GREB1: variants seen among roughly 807,000 people sequenced by gnomAD.
GREB1 encodes the protein growth regulating estrogen receptor binding 1, also known as protein GREB1.
In GREB1, 106 loss-of-function variants were observed where a neutral mutation model predicts 200.7. The ratio of observed to expected loss-of-function variants is 0.53; its 90% CI spans 0.45 to 0.62. GREB1 has a LOEUF of 0.62. Ranked by LOEUF, GREB1 falls within the 20% of genes least tolerant of loss-of-function variation. The probability of loss-of-function intolerance (pLI) is 0.00; values close to 1 mark genes in which losing one functional copy is unlikely to be tolerated. For synonymous variants in GREB1, 1,132 were observed against 1,092.4 expected, an observed-to-expected ratio of 1.04 and a Z score of -0.72; for missense variants, 2,243 against 2,556.8, an observed-to-expected ratio of 0.88 and a Z score of 2.65.
chr2:11,574,593 T>C (rs1383630850), intron 4 of GREB1, among the ~76,000 whole-genome samples: 1 of 152,146 alleles, frequency 6.6e-6, no homozygotes, highest in Admixed American at 6.5e-5. Flanking sequence ...CTAGGGGGCA[T>C]TGGGGCAGCC....
chr2:11,592,872 C>T lies in GREB1; in HGVS notation c.1442C>T (p.Ala481Val), dbSNP rs1452441565. The T allele has an allele frequency of 6.3e-7, 1 of 1,598,488 alleles. No homozygotes were observed. The highest frequency in any genetic ancestry group is 1.4e-5 in the African/African-American group (1 of 73,730). ...ACCGAGATCCGGCAGTACCAGCAGG[C>T]GCCGCCGCAGCCCTTCCCGCCCGCG... is the stretch of plus-strand genomic sequence containing the variant. ...HLTEIRQYQQ[A>V]PPQPFPPAPS... The change falls in exon 11 of 33, where the codon GCG (alanine) becomes GTG (valine). Residue 481 changes from alanine (A) to valine (V), a missense_variant. Ala to Val is a moderately conservative substitution (Grantham distance 64). Around this residue, in one of 3 missense-constraint regions of GREB1, gnomAD observed 1,178 missense variants for 1,387.4 expected, o/e 0.85. Coordinates refer to ENST00000381486, the MANE Select transcript of GREB1 (RefSeq NM_014668.4).
intron 4 of GREB1, among the ~76,000 whole-genome samples, chr2:11,571,168 G>A (rs1678236570): frequency 6.6e-6 from 1 of 152,076 alleles, no homozygotes; most frequent in African/African-American, 2.4e-5. Flanking sequence ...CACACAATGA[G>A]CCAAAGATGA....
rs191176376 is a variant in GREB1 at position 11,624,544 on chromosome 2, C to T, written c.4148-610C>T. ...ATTTTTAGTAGATACGGGGTTTTAC[C>T]GTGTTGGCCAGACTGGTCTCGAACT... On this transcript the variant is annotated intron_variant, in intron 23 of 32. Coordinates refer to ENST00000381486, the MANE Select transcript of GREB1 (RefSeq NM_014668.4). 3.9e-4 allele frequency among the ~76,000 whole-genome samples: 59 copies of T among 151,760 alleles called. 1 individual carries two copies. Among genetic ancestry groups the T allele is most frequent in the Non-Finnish European group, 1.5e-4 (10 of 67,902 alleles).
At position 11,580,675 on chromosome 2, in the gene GREB1, C is replaced by T. The variant is rs1434046916; in HGVS notation, c.773-29C>T. On this transcript the variant is annotated intron_variant, in intron 6 of 32. Transcript: ENST00000381486. This position sits in a 1 kb window ranked among gnomAD's most constrained non-coding sequence, Gnocchi z 4.5. ...TCCCAGGGCATTCTTGTGAACTGAC[C>T]CTCCTCTTTGCCTTCTATCTGTTTT... 1 of 1,588,910 alleles carries T rather than the reference C, an allele frequency of 6.3e-7. No homozygotes were observed. Among genetic ancestry groups the T allele is most frequent in the East Asian group, 2.2e-5 (1 of 44,580 alleles).
At chr2:11,584,444 C>T (rs1395674506) in intron 7 of GREB1, among the ~76,000 whole-genome samples, 2 of 152,000 alleles carry the variant, frequency 1.3e-5, no homozygotes, top group African/African-American at 4.8e-5. Context: ...TGCCCCCAAG[C>T]GGTGGAGCTG....
chr2:11,612,711 A>G (rs1683043971), intron 19 of GREB1, 101 bp downstream of exon 19: 2 of 707,836 alleles, frequency 2.8e-6, no homozygotes, highest in Admixed American at 2.4e-5. Context: ...GACGGTAGGC[A>G]GCACCACTCA....
intron 1 of GREB1, among the ~76,000 whole-genome samples, chr2:11,549,812 C>G (rs1056054805): frequency 6.6e-6 from 1 of 152,158 alleles, no homozygotes; most frequent in Non-Finnish European, 1.5e-5. Context: ...TGTTTGCTCT[C>G]TTTTGTCTCT....
upstream of GREB1, among the ~76,000 whole-genome samples, chr2:11,532,213 G>C (rs1257596180): frequency 6.6e-6 from 1 of 152,116 alleles, no homozygotes; most frequent in East Asian, 1.9e-4. Flanking sequence ...CCGCGTATAG[G>C]AGCCCTTCAT....
chr2:11,624,732 A>G (rs954214754), intron 23 of GREB1, among the ~76,000 whole-genome samples: 2 of 152,192 alleles, frequency 1.3e-5, no homozygotes, highest in African/African-American at 4.8e-5. Context: ...TATCCAACCC[A>G]CAGGCTGCAT....
In GREB1 at chr2:11,625,272, C is replaced by A. The variant is rs200438725; in HGVS notation, c.4266C>A (p.Ala1422=). ...YIIHDPKYED[A]SLICSHYQGI... The stretch of plus-strand genomic sequence containing the variant: ...TTCACGACCCGAAGTATGAAGATGC[C>A]AGCCTGATTTGTTCGCACTATCAGG... Residue 1422 remains alanine, a synonymous_variant, in exon 24 of 33, where the codon GCC becomes GCA. Transcript: ENST00000381486. 4.6e-4 allele frequency: 749 copies of A among 1,614,158 alleles called. No individual in the cohort carries two copies. The highest frequency in any genetic ancestry group is 1.2e-3 in the Admixed American group (72 of 60,020).
intron 4 of GREB1, among the ~76,000 whole-genome samples, chr2:11,570,166 T>G (rs554703039): frequency 1.1e-4 from 17 of 152,050 alleles, no homozygotes; most frequent in Non-Finnish European, 2.4e-4. Flanking sequence ...CCCAGTACTT[T>G]GGGAGGCTGC....
Position 11,492,559 on chromosome 2 carries a change from G to A in GREB1, c.-159+10178G>A, listed in dbSNP as rs1672795091. On this transcript the variant is annotated intron_variant, in intron 1 of 2. Transcript: ENST00000628795. This position sits in a 1 kb window ranked among gnomAD's most constrained non-coding sequence, Gnocchi z 4.0. Reference sequence around the variant, plus strand: ...GAGGGGTGGGTTTCTGTGAGACCCTGACCTGGGTCCCCCCTGAGCTGAGTT... The same window carrying A: ...GAGGGGTGGGTTTCTGTGAGACCCTAACCTGGGTCCCCCCTGAGCTGAGTT... Among the ~76,000 whole-genome samples, 1 of 152,220 alleles carries A rather than the reference G, an allele frequency of 6.6e-6. No homozygotes were observed. The highest frequency in any genetic ancestry group is 2.4e-5 in the African/African-American group (1 of 41,458).
chr2:11,544,516 G>C (rs979274128), intron 1 of GREB1, among the ~76,000 whole-genome samples: 2 of 151,976 alleles, frequency 1.3e-5, no homozygotes, highest in Admixed American at 6.6e-5. Flanking sequence ...GCGCCCGGCC[G>C]AGCCTTTTAA....
chr2:11,630,825 A>T (rs1325201137), intron 26 of GREB1, among the ~76,000 whole-genome samples: 1 of 152,158 alleles, frequency 6.6e-6, no homozygotes, highest in African/African-American at 2.4e-5. Context: ...TTTTGGTTTG[A>T]CGGTGCTCAC....
Position 11,595,312 on chromosome 2 carries a change from A to G in GREB1, c.1758A>G (p.Glu586=), listed in dbSNP as rs377614787. ...SLLTPAEYQK[E]VNYELVTGKV... Reference sequence around the variant, plus strand: ...TCACTCCTGCGGAGTACCAGAAGGAAGTCAATTACGAGCTGGTTACGGGGA... The same window carrying G: ...TCACTCCTGCGGAGTACCAGAAGGAGGTCAATTACGAGCTGGTTACGGGGA... The change falls in exon 12 of 33, where the codon GAA becomes GAG. Residue 586 remains glutamate, a synonymous_variant. Transcript: ENST00000381486. 3 of 1,613,818 alleles carry G rather than the reference A, an allele frequency of 1.9e-6. No individual in the cohort carries two copies. The highest frequency in any genetic ancestry group is 2.5e-6 in the Non-Finnish European group (3 of 1,179,848).
Position 11,625,274 on chromosome 2 carries a change from G to C in GREB1, c.4268G>C (p.Ser1423Thr), listed in dbSNP as rs913223579. ...IIHDPKYEDA[S>T]LICSHYQGIK... Reference sequence around the variant, plus strand: ...CACGACCCGAAGTATGAAGATGCCAGCCTGATTTGTTCGCACTATCAGGGT... The same window carrying C: ...CACGACCCGAAGTATGAAGATGCCACCCTGATTTGTTCGCACTATCAGGGT... The change falls in exon 24 of 33, where the codon AGC (serine) becomes ACC (threonine). Residue 1423 changes from serine to threonine, a missense_variant. Coordinates refer to ENST00000381486, the MANE Select transcript of GREB1 (RefSeq NM_014668.4). 5.6e-6 allele frequency: 9 copies of C among 1,614,078 alleles called. No individual in the cohort carries two copies. The highest frequency in any genetic ancestry group is 7.6e-6 in the Non-Finnish European group (9 of 1,180,028).
At chr2:11,484,686 G>A (rs1334394162) in intron 1 of GREB1, among the ~76,000 whole-genome samples, 1 of 152,182 alleles carries the variant, frequency 6.6e-6, no homozygotes, top group Admixed American at 6.5e-5. Context: ...TGGAGCCTAA[G>A]CTGGGAGGGT....
In GREB1 at chr2:11,640,812, T is replaced by C. The variant is rs1349172510; in HGVS notation, c.*358T>C. The C allele has an allele frequency of 4.8e-6, 1 of 207,288 alleles. No individual in the cohort carries two copies. Among genetic ancestry groups the C allele is most frequent in the East Asian group, 1.5e-4 (1 of 6,844 alleles). 12.8% of individuals were successfully genotyped at this position (207,288 alleles called of 1,614,324 possible). On this transcript the variant is annotated 3_prime_UTR_variant, in exon 33 of 33. Transcript: ENST00000381486. This position sits in a 1 kb window ranked among gnomAD's most constrained non-coding sequence, Gnocchi z 4.6. Reference sequence around the variant, plus strand: ...TAGTTCTAAAGAATCTTGGGTTATTTTGTAGCGGTGCCAGTATTTCAGTAG... The same window carrying C: ...TAGTTCTAAAGAATCTTGGGTTATTCTGTAGCGGTGCCAGTATTTCAGTAG...
intron 19 of GREB1, 137 bp from the exon 20 acceptor site, chr2:11,614,952 GGC>G: frequency 1.5e-6 from 1 of 664,888 alleles, no homozygotes; most frequent in Non-Finnish European, 2.7e-6. Context: ...TAACACTGTT[GGC>G]TTTTCCACTT....
Sources: gnomAD v4.1 joint callset for allele counts (sites outside exome capture counted in the v4.1 genomes callset) on GRCh38, gnomAD v4.1.1 for gene constraint, gnomAD v4.1.1 regional missense constraint, Gnocchi (gnomAD v3.1) non-coding constraint, MANE v1.5 for transcripts, NCBI Gene and HGNC (gene_info 2026-07-23, HGNC 2026-07-21) for gene names.